POTEC: variants seen among roughly 807,000 people sequenced by gnomAD.
POTEC encodes the protein ANKRD26-like family B member 2.
Under a neutral mutation model 62.0 loss-of-function variants are expected in POTEC, and 35 were observed. The ratio of observed to expected loss-of-function variants is 0.56; its 90% confidence interval spans 0.43 to 0.75. The LOEUF is 0.75. Among genes scored for constraint, POTEC ranks in the 30% least tolerant of loss-of-function variants. The probability of loss-of-function intolerance (pLI) is 0.00; values close to 1 mark genes in which losing one functional copy is unlikely to be tolerated. For synonymous variants in POTEC, 156 were observed against 221.5 expected, an observed-to-expected ratio of 0.70 and a Z score of 2.62; for missense variants, 472 against 655.9, an observed-to-expected ratio of 0.72 and a Z score of 3.06.
intron 9 of POTEC, among the ~76,000 whole-genome samples, chr18:14,518,057 G>A (rs138975062): frequency 0.021 from 3,241 of 152,116 alleles, 51 homozygotes; most frequent in Middle Eastern, 0.034. Flanking sequence ...CATAATTACC[G>A]GGCAAAACTG....
intron 1 of POTEC, among the ~76,000 whole-genome samples, chr18:14,541,067 T>G (rs1451677889): frequency 2.0e-5 from 3 of 152,100 alleles, no homozygotes; most frequent in African/African-American, 7.2e-5. Flanking sequence ...ATTCTTTGTA[T>G]TTTTAGTAGA....
chr18:14,529,449 C>CT (rs1905427370), intron 6 of POTEC, among the ~76,000 whole-genome samples: 1 of 152,124 alleles, frequency 6.6e-6, no homozygotes, highest in Non-Finnish European at 1.5e-5. Flanking sequence ...TCTATTCCAT[C>CT]TTTGTCTCCT....
Position 14,509,946 on chromosome 18 carries a change from T to C in POTEC, c.*1952A>G, listed in dbSNP as rs1598474664. 1 of 146,050 alleles carries C rather than the reference T, an allele frequency of 6.8e-6. No homozygotes were observed. The highest frequency in any genetic ancestry group is 1.5e-5 in the Non-Finnish European group (1 of 66,772). 9.0% of individuals were successfully genotyped at this position (146,050 alleles called of 1,614,324 possible). On this transcript the variant is annotated 3_prime_UTR_variant, in exon 11 of 11. Transcript: ENST00000358970. ...AATCTTGCACGTGAGATGGGGCTGG[T>C]CTGACCTCAGCACTCCTAAAGTGCT... is the stretch of plus-strand genomic sequence containing the variant.
intron 9 of POTEC, among the ~76,000 whole-genome samples, chr18:14,518,552 C>T (rs1449655920): frequency 8.3e-5 from 12 of 144,172 alleles, no homozygotes; most frequent in South Asian, 2.3e-4. Flanking sequence ...CCCTTCGTTA[C>T]GTTAGAGAGC....
intron 8 of POTEC, 141 bp from the exon 9 acceptor site, chr18:14,522,561 C>T: frequency 3.0e-6 from 4 of 1,325,104 alleles, no homozygotes; most frequent in Non-Finnish European, 4.1e-6. Flanking sequence ...ATCATATATA[C>T]AGAACTATTA....
At chr18:14,539,601 C>G (rs528839408) in intron 1 of POTEC, among the ~76,000 whole-genome samples, 2 of 150,502 alleles carry the variant, frequency 1.3e-5, no homozygotes, top group African/African-American at 4.9e-5. Flanking sequence ...CTGCAAAGGA[C>G]AGGCTCTTGT....
At chr18:14,521,196 G>A (rs1410825714) in intron 9 of POTEC, among the ~76,000 whole-genome samples, 1 of 152,156 alleles carries the variant, frequency 6.6e-6, no homozygotes, top group Non-Finnish European at 1.5e-5. Flanking sequence ...CTCAGGCACT[G>A]ACAACAAAAA....
chr18:14,540,298 T>C (rs1598482648), intron 1 of POTEC, among the ~76,000 whole-genome samples: 1 of 152,222 alleles, frequency 6.6e-6, no homozygotes, highest in African/African-American at 2.4e-5. Flanking sequence ...GCAAGTAGCA[T>C]ATTCCTTCTC....
rs1171764312 is a variant in POTEC at position 14,509,498 on chromosome 18, AC to A, written c.*2399del. 6.6e-6 allele frequency: 1 copy of A among 151,612 alleles called. No individual in the cohort carries two copies. The highest frequency in any genetic ancestry group is 6.6e-5 in the Admixed American group (1 of 15,224). 9.4% of individuals were successfully genotyped at this position (151,612 alleles called of 1,614,324 possible). On this transcript the variant is annotated 3_prime_UTR_variant, in exon 11 of 11. Transcript: ENST00000358970. ...ATGCTGTTAGGGCAAGTACAACAAA[AC>A]CCACCTGTGTAAACACACACAGCAA...
rs186676104 is a variant in POTEC at position 14,537,650 on chromosome 18, T to C, written c.810+151A>G. 5,821 of 1,024,136 alleles carry C rather than the reference T, an allele frequency of 5.7e-3. 156 individuals carry two copies. The highest frequency in any genetic ancestry group is 0.049 in the South Asian group (2,661 of 53,910). The allele number at this position is 1,024,136 out of a possible 1,614,324, so 63.4% of individuals were successfully genotyped here. ...ATGCTTCTTTAAAAGTAACAATATT[T>C]AAAATAAAGTCTTAGATAATTAAGT... On this transcript the variant is annotated intron_variant, in intron 3 of 10. Transcript: ENST00000358970.
chr18:14,538,875 GGC>G (rs1468423180), intron 1 of POTEC, among the ~76,000 whole-genome samples: 1 of 152,022 alleles, frequency 6.6e-6, no homozygotes, highest in Admixed American at 6.6e-5. Context: ...AATTATAATT[GGC>G]AGCATTTAAA....
At chr18:14,520,380 A>T (rs1207646398) in intron 9 of POTEC, among the ~76,000 whole-genome samples, 2 of 150,312 alleles carry the variant, frequency 1.3e-5, no homozygotes, top group African/African-American at 2.5e-5. Flanking sequence ...TCATGCTTAT[A>T]CATAAAGACC....
At chr18:14,540,602 C>T (rs1464268396) in intron 1 of POTEC, among the ~76,000 whole-genome samples, 2 of 152,084 alleles carry the variant, frequency 1.3e-5, no homozygotes, top group Non-Finnish European at 2.9e-5. Context: ...TATGGATGCA[C>T]TAAAATTTGT....
At chr18:14,537,006 T>C (rs1261274728) in intron 3 of POTEC, among the ~76,000 whole-genome samples, 1 of 151,658 alleles carries the variant, frequency 6.6e-6, no homozygotes, top group Non-Finnish European at 1.5e-5. Flanking sequence ...TCCCACTACA[T>C]TACCACATAT....
chr18:14,522,573 C>T (rs371354262), intron 8 of POTEC, among the ~76,000 whole-genome samples, 153 bp from the exon 9 acceptor site: 14 of 151,956 alleles, frequency 9.2e-5, no homozygotes, highest in African/African-American at 1.5e-4. Flanking sequence ...GAACTATTAC[C>T]GTATAATTTT....
intron 9 of POTEC, among the ~76,000 whole-genome samples, chr18:14,515,033 C>T (rs963641050): frequency 5.9e-5 from 9 of 152,138 alleles, no homozygotes; most frequent in Admixed American, 2.0e-4. Context: ...AACTGGAAAA[C>T]ACCACTGAAG....
At chr18:14,523,601 G>A (rs528212555) in intron 7 of POTEC, 94 bp from the exon 8 acceptor site, 1 of 1,091,740 alleles carries the variant, frequency 9.2e-7, no homozygotes, top group African/African-American at 1.6e-5. Flanking sequence ...TTATTCTTAA[G>A]TAATCAAGTA....
In POTEC at chr18:14,542,664, G is replaced by T; in HGVS notation, c.483C>A (p.Leu161=). Residue 161 remains leucine, a synonymous_variant, in exon 1 of 11, where the codon CTC becomes CTA. Transcript: ENST00000358970. The part of the protein sequence containing the change: ...KVPRKDLIVM[L]RDTDMNKRDK... ...CCCTCTTGTTCATGTCCGTGTCCCT[G>T]AGCATGACGATGAGATCCTTTCTGG... 6.2e-7 allele frequency: 1 copy of T among 1,612,824 alleles called. No homozygotes were observed. Among genetic ancestry groups the T allele is most frequent in the Non-Finnish European group, 8.5e-7 (1 of 1,179,960 alleles).
At chr18:14,520,293 G>A (rs556434620) in intron 9 of POTEC, among the ~76,000 whole-genome samples, 1 of 151,226 alleles carries the variant, frequency 6.6e-6, no homozygotes, top group African/African-American at 2.4e-5. Context: ...CCAGACCAAG[G>A]TGTTAAATTC....
Sources: allele counts gnomAD v4.1 joint callset (sites outside exome capture counted in the v4.1 genomes callset), GRCh38; gene constraint gnomAD v4.1.1; transcripts MANE v1.5; gene names NCBI Gene and HGNC (gene_info 2026-07-23, HGNC 2026-07-21).